AKAP7: variants seen among roughly 807,000 people sequenced by gnomAD.
AKAP7 encodes A kinase (PRKA) anchor protein 7.
A neutral mutation model predicts 39.5 loss-of-function variants in AKAP7; 39 were observed. The ratio of observed to expected loss-of-function variants is 0.99; its 90% CI spans 0.76 to 1.29. AKAP7 has a LOEUF of 1.29. AKAP7 is among the 50% of genes most tolerant of loss of function. The probability of loss-of-function intolerance (pLI) is 0.00; values close to 1 mark genes in which losing one functional copy is unlikely to be tolerated. For missense variants in AKAP7, 414 were observed against 407.7 expected, an observed-to-expected ratio of 1.02 and a Z score of -0.13; for synonymous variants, 140 against 139.1, an observed-to-expected ratio of 1.01 and a Z score of -0.05.
intron 7 of AKAP7, among the ~76,000 whole-genome samples, chr6:131,236,854 G>A (rs1482697955): frequency 6.6e-6 from 1 of 151,386 alleles, no homozygotes; most frequent in Non-Finnish European, 1.5e-5. Context: ...TCTGCAAACA[G>A]GGGCAATTTG....
chr6:131,168,566 A>G (rs1247053434), intron 4 of AKAP7, among the ~76,000 whole-genome samples: 1 of 152,228 alleles, frequency 6.6e-6, no homozygotes, highest in Non-Finnish European at 1.5e-5. Flanking sequence ...GCAAACTTAC[A>G]TAGTTACAAT....
At chr6:131,275,260 A>G (rs1228021936) in intron 7 of AKAP7, among the ~76,000 whole-genome samples, 1 of 152,200 alleles carries the variant, frequency 6.6e-6, no homozygotes, top group Non-Finnish European at 1.5e-5. Context: ...GGCACTTCTC[A>G]TACATTATCT....
chr6:131,241,648 A>G (rs1811635156), intron 7 of AKAP7, among the ~76,000 whole-genome samples: 1 of 63,856 alleles, frequency 1.6e-5, no homozygotes. Context: ...TGACAGTTAT[A>G]GGATTCAGTG....
At chr6:131,137,870 T>C (rs1379115920) in intron 1 of AKAP7, 1 of 152,232 alleles carries the variant, frequency 6.6e-6, no homozygotes, top group Non-Finnish European at 1.5e-5. Flanking sequence ...GTTGTCAGCA[T>C]TTACAAGCAG....
chr6:131,146,911 G>A (rs145524824), intron 2 of AKAP7, among the ~76,000 whole-genome samples: 2 of 152,300 alleles, frequency 1.3e-5, no homozygotes, highest in Non-Finnish European at 2.9e-5. Flanking sequence ...AGTCTTGAAC[G>A]TCAAGAAGCT....
intron 7 of AKAP7, chr6:131,253,242 G>A: frequency 1.2e-6 from 1 of 815,598 alleles, no homozygotes; most frequent in Non-Finnish European, 1.8e-6. Flanking sequence ...GATAGCAAAT[G>A]ATGATTTTTT....
intron 7 of AKAP7, among the ~76,000 whole-genome samples, chr6:131,247,851 C>T (rs1442419358): frequency 6.6e-6 from 1 of 152,058 alleles, no homozygotes; most frequent in Non-Finnish European, 1.5e-5. Flanking sequence ...GCTGGTCTCG[C>T]AGTCTTGGCC....
At chr6:131,183,838 C>G (rs1269993657) in intron 5 of AKAP7, among the ~76,000 whole-genome samples, 2 of 152,096 alleles carry the variant, frequency 1.3e-5, no homozygotes, top group Non-Finnish European at 2.9e-5. Flanking sequence ...CTAAGTGACA[C>G]AGGGGCATGG....
At chr6:131,154,035 A>G (rs1052483036) in intron 2 of AKAP7, among the ~76,000 whole-genome samples, 1 of 151,900 alleles carries the variant, frequency 6.6e-6, no homozygotes, top group East Asian at 1.9e-4. Context: ...TATGGTGAAA[A>G]CCTGTCTCTA....
At chr6:131,263,529 G>A (rs1261310940) in intron 7 of AKAP7, among the ~76,000 whole-genome samples, 2 of 152,214 alleles carry the variant, frequency 1.3e-5, no homozygotes, top group Admixed American at 6.5e-5. Context: ...TAATTTGTGT[G>A]TTATGGTGTA....
Position 131,253,085 on chromosome 6 carries a change from A to T in AKAP7, c.851-28445A>T, listed in dbSNP as rs765106856. 11 of 1,613,564 alleles carry T rather than the reference A, an allele frequency of 6.8e-6. No individual in the cohort carries two copies. The South Asian group carries it at 1.2e-4, about 18-fold the overall frequency. ...GCAGTCCTACAGAGATACAGCAAGG[A>T]TATACCCAGTTGGTCAAGTGGTAAG... On this transcript the variant is annotated intron_variant, in intron 7 of 7. Transcript: ENST00000431975.
At position 131,166,132 on chromosome 6, in the gene AKAP7, C is replaced by G. The variant is rs148739522; in HGVS notation, c.428+915C>G. On this transcript the variant is annotated intron_variant, in intron 4 of 7. Coordinates refer to ENST00000431975, the MANE Select transcript of AKAP7 (RefSeq NM_016377.4). ...TAGTTATGTCTTTTAAACAGTAGAA[C>G]CTCATGTCTTTAGAGGTCAATCTTA... Among the ~76,000 whole-genome samples the G allele has an allele frequency of 3.7e-4, 56 of 152,210 alleles. 1 individual carries two copies. Among genetic ancestry groups the G allele is most frequent in the African/African-American group, 1.3e-3 (54 of 41,544 alleles).
chr6:131,215,637 A>C (rs890601642), intron 6 of AKAP7, among the ~76,000 whole-genome samples: 2 of 152,258 alleles, frequency 1.3e-5, no homozygotes, highest in East Asian at 3.8e-4. Context: ...GAAGAACTTT[A>C]AGATTTGCCA....
chr6:131,201,225 A>G (rs1292394954), intron 6 of AKAP7, among the ~76,000 whole-genome samples: 8 of 152,156 alleles, frequency 5.3e-5, no homozygotes, highest in Non-Finnish European at 8.8e-5. Flanking sequence ...GCTCCAGTTC[A>G]CGCAGAGTCA....
intron 7 of AKAP7, among the ~76,000 whole-genome samples, chr6:131,274,225 G>A (rs1814556270): frequency 1.3e-5 from 2 of 151,850 alleles, no homozygotes; most frequent in African/African-American, 4.8e-5. Context: ...CACATTTCTT[G>A]TACTTCACAT....
chr6:131,280,353 A>G (rs902894255), intron 7 of AKAP7, among the ~76,000 whole-genome samples: 4 of 152,134 alleles, frequency 2.6e-5, no homozygotes, highest in Non-Finnish European at 4.4e-5. Flanking sequence ...AAGCACAATT[A>G]GTCTTGATGG....
intron 7 of AKAP7, among the ~76,000 whole-genome samples, chr6:131,241,611 G>GTATATATATATATA (rs1162098710): frequency 2.0e-5 from 2 of 99,638 alleles, no homozygotes; most frequent in Admixed American, 2.0e-4. Flanking sequence ...GTGTGTGTGT[G>GTATATATATATATA]TGTGTGTGTG....
intron 7 of AKAP7, among the ~76,000 whole-genome samples, chr6:131,239,634 C>T (rs1811361495): frequency 6.6e-6 from 1 of 152,136 alleles, no homozygotes; most frequent in South Asian, 2.1e-4. Context: ...CTAAACTTCT[C>T]TTCTCGCTTC....
At chr6:131,136,303 C>A (rs1053504905) in intron 1 of AKAP7, among the ~76,000 whole-genome samples, 4 of 152,116 alleles carry the variant, frequency 2.6e-5, no homozygotes, top group South Asian at 2.1e-4. Context: ...TTTAGGTCAG[C>A]GTTTGTTGTG....
Sources: gnomAD v4.1 joint callset for allele counts (sites outside exome capture counted in the v4.1 genomes callset) on GRCh38, gnomAD v4.1.1 for gene constraint, MANE v1.5 for transcripts, NCBI Gene and HGNC (gene_info 2026-07-23, HGNC 2026-07-21) for gene names.